The following FRMD4A variants were observed in gnomAD, a reference collection of about 807,000 sequenced individuals.
FRMD4A encodes FERM domain containing 4A.
Under a neutral mutation model 129.1 loss-of-function variants are expected in FRMD4A, and 29 were observed. The ratio of observed to expected loss-of-function variants is 0.22; its 90% confidence interval spans 0.17 to 0.31. FRMD4A has a LOEUF of 0.31. Ranked by LOEUF, FRMD4A falls within the 10% of genes least tolerant of loss-of-function variation. The pLI is 1.00. For synonymous variants in FRMD4A, 634 were observed against 571.6 expected, an observed-to-expected ratio of 1.11 and a Z score of -1.56; for missense variants, 1,272 against 1,375.8, an observed-to-expected ratio of 0.92 and a Z score of 1.19.
intron 2 of FRMD4A, among the ~76,000 whole-genome samples, chr10:14,249,593 T>C (rs1844365584): frequency 6.6e-6 from 1 of 152,202 alleles, no homozygotes; most frequent in Admixed American, 6.5e-5. Context: ...TCCATAACAA[T>C]GTCTATTTCT....
chr10:14,262,075 G>A (rs1439466051), intron 2 of FRMD4A, among the ~76,000 whole-genome samples: 4 of 151,802 alleles, frequency 2.6e-5, no homozygotes, highest in Non-Finnish European at 5.9e-5. Context: ...CTCTCCCTCT[G>A]TGCAATTCCA....
intron 16 of FRMD4A, among the ~76,000 whole-genome samples, chr10:13,671,998 G>A (rs145566197): frequency 6.6e-5 from 10 of 152,386 alleles, no homozygotes; most frequent in South Asian, 2.1e-4. Flanking sequence ...CCCAGCAGGC[G>A]GGAAAATCCA....
intron 12 of FRMD4A, among the ~76,000 whole-genome samples, chr10:13,726,910 T>G (rs2089934439): frequency 6.6e-6 from 1 of 151,190 alleles, no homozygotes; most frequent in Admixed American, 6.6e-5. Context: ...TTGCTTTTTT[T>G]TCTGAGACAG....
At chr10:13,820,423 G>A (rs1168423432) in intron 3 of FRMD4A, among the ~76,000 whole-genome samples, 1 of 152,022 alleles carries the variant, frequency 6.6e-6, no homozygotes, top group African/African-American at 2.4e-5. Context: ...GGTCTCAGCC[G>A]ACCTTGGGTC....
intron 15 of FRMD4A, chr10:13,675,707 C>T (rs769986699): frequency 3.3e-5 from 5 of 151,952 alleles, no homozygotes; most frequent in South Asian, 2.1e-4. Context: ...AGCCCTAAAA[C>T]GTATTTAAAA....
intron 2 of FRMD4A, among the ~76,000 whole-genome samples, chr10:14,269,974 C>T (rs1410755333): frequency 1.3e-5 from 2 of 152,170 alleles, no homozygotes; most frequent in Admixed American, 1.3e-4. Flanking sequence ...GACGAAAAGG[C>T]TGAAGAAGGA....
intron 12 of FRMD4A, among the ~76,000 whole-genome samples, chr10:13,709,667 C>T (rs747421539): frequency 1.6e-4 from 25 of 152,174 alleles, no homozygotes; most frequent in Non-Finnish European, 2.9e-4. Flanking sequence ...CTGCATACCA[C>T]GGCGGTCCCT....
At chr10:14,318,514 C>T (rs1379265267) in intron 2 of FRMD4A, among the ~76,000 whole-genome samples, 1 of 148,766 alleles carries the variant, frequency 6.7e-6, no homozygotes, top group Non-Finnish European at 1.5e-5. Context: ...TCTGAGTGTT[C>T]TTTGAAGGTG....
chr10:14,181,322 G>C (rs1218523078), intron 2 of FRMD4A, among the ~76,000 whole-genome samples: 1 of 151,994 alleles, frequency 6.6e-6, no homozygotes, highest in Non-Finnish European at 1.5e-5. Flanking sequence ...TGTGGTTTAA[G>C]TACTTTTGTC....
chr10:13,981,168 G>T (rs1029799377), intron 2 of FRMD4A, among the ~76,000 whole-genome samples: 1 of 152,168 alleles, frequency 6.6e-6, no homozygotes, highest in South Asian at 2.1e-4. Context: ...ATTTGACTGA[G>T]GATGGTAGAT....
chr10:14,206,751 G>A (rs1462802805), intron 2 of FRMD4A, among the ~76,000 whole-genome samples: 1 of 129,810 alleles, frequency 7.7e-6, no homozygotes, highest in Admixed American at 9.4e-5. Flanking sequence ...AGGTTGCAGT[G>A]AGCTGAGATC....
At chr10:14,307,329 A>G (rs1001379918) in intron 2 of FRMD4A, among the ~76,000 whole-genome samples, 2 of 152,248 alleles carry the variant, frequency 1.3e-5, no homozygotes, top group South Asian at 4.1e-4. Context: ...GAGAATGTCC[A>G]CAAGTGAGAA....
intron 12 of FRMD4A, among the ~76,000 whole-genome samples, chr10:13,735,651 C>T (rs1157369798): frequency 2.0e-5 from 3 of 152,164 alleles, no homozygotes; most frequent in Non-Finnish European, 4.4e-5. Context: ...TACTTGTTAG[C>T]ATGTCCTCTA....
chr10:14,186,572 C>A (rs1028600438), intron 2 of FRMD4A, among the ~76,000 whole-genome samples: 1 of 152,188 alleles, frequency 6.6e-6, no homozygotes, highest in African/African-American at 2.4e-5. Flanking sequence ...TGGGCAGTGA[C>A]CCTTTGGCTC....
chr10:14,067,979 C>A (rs182504302), intron 2 of FRMD4A, among the ~76,000 whole-genome samples: 7 of 152,318 alleles, frequency 4.6e-5, no homozygotes, highest in Admixed American at 4.6e-4. Flanking sequence ...ACAACTAGCA[C>A]TGGATAAGTC....
At chr10:14,147,986 G>A (rs1311186404) in intron 2 of FRMD4A, among the ~76,000 whole-genome samples, 2 of 152,144 alleles carry the variant, frequency 1.3e-5, no homozygotes, top group African/African-American at 2.4e-5. Context: ...CTACCTCAAG[G>A]TGTTCTAGGA....
intron 2 of FRMD4A, among the ~76,000 whole-genome samples, chr10:14,041,170 T>C (rs17154501): frequency 0.012 from 1,760 of 152,350 alleles, 61 homozygotes; most frequent in East Asian, 0.11. Context: ...TTTTTAGTTT[T>C]CTTGCTGAAA....
chr10:13,680,767 C>A (rs752898311), intron 15 of FRMD4A, among the ~76,000 whole-genome samples: 1 of 151,748 alleles, frequency 6.6e-6, no homozygotes, highest in African/African-American at 2.4e-5. Flanking sequence ...AGGATATAGG[C>A]TGGGCGCAGT....
intron 5 of FRMD4A, among the ~76,000 whole-genome samples, chr10:13,789,783 G>GTGTGTGTGTGTA (rs2092953444): frequency 6.9e-6 from 1 of 145,350 alleles, no homozygotes; most frequent in Non-Finnish European, 1.5e-5. Context: ...GTGTGTGTGT[G>GTGTGTGTGTGTA]TGTGTGTGTG....
Sources: allele counts gnomAD v4.1 joint callset (sites outside exome capture counted in the v4.1 genomes callset), GRCh38; gene constraint gnomAD v4.1.1; transcripts MANE v1.5; gene names NCBI Gene and HGNC (gene_info 2026-07-23, HGNC 2026-07-21).